Variants in ZMIZ1 observed in about 807,000 individuals in gnomAD.
ZMIZ1 encodes the protein zinc finger MIZ-type containing 1, also known as zinc finger MIZ domain-containing protein 1.
Under a neutral mutation model 113.9 loss-of-function variants are expected in ZMIZ1, and 17 were observed. The ratio of observed to expected loss-of-function variants is 0.15; its 90% CI spans 0.10 to 0.22. The LOEUF (loss-of-function observed/expected upper bound fraction) is 0.22. Ranked by LOEUF, ZMIZ1 falls within the 10% of genes least tolerant of loss-of-function variation. ZMIZ1 has a pLI of 1.00. For synonymous variants in ZMIZ1, 607 were observed against 603.1 expected (o/e 1.01, Z -0.09); for missense variants, 1,059 against 1,477.8 (o/e 0.72, Z 4.65).
At chr10:79,285,861 T>C (rs551145062) in intron 8 of ZMIZ1, among the ~76,000 whole-genome samples, 2 of 152,302 alleles carry the variant, frequency 1.3e-5, no homozygotes, top group African/African-American at 4.8e-5. Flanking sequence ...TGGAAGAGCC[T>C]GGAAAGGATG....
chr10:79,151,937 G>A (rs1006780524), intron 3 of ZMIZ1, among the ~76,000 whole-genome samples: 5 of 152,192 alleles, frequency 3.3e-5, no homozygotes, highest in African/African-American at 1.2e-4. Flanking sequence ...GGCTCCTCCC[G>A]CCTGTCTGCC....
At chr10:79,187,873 C>T (rs922267030) in intron 4 of ZMIZ1, among the ~76,000 whole-genome samples, 1 of 152,186 alleles carries the variant, frequency 6.6e-6, no homozygotes, top group Non-Finnish European at 1.5e-5. Context: ...TCCCTGTTCC[C>T]CAGCCCCAGA....
At chr10:79,111,876 G>A (rs1843756653) in intron 1 of ZMIZ1, among the ~76,000 whole-genome samples, 1 of 152,218 alleles carries the variant, frequency 6.6e-6, no homozygotes. Context: ...GGGGTGGTTT[G>A]TTTGAGTGTT....
At chr10:79,185,626 C>G (rs1451443896) in intron 4 of ZMIZ1, among the ~76,000 whole-genome samples, 2 of 152,114 alleles carry the variant, frequency 1.3e-5, no homozygotes, top group Non-Finnish European at 2.9e-5. Flanking sequence ...GCCTTTGTAT[C>G]TTCTCCTCCC....
At chr10:79,262,884 A>G (rs535211520) in intron 7 of ZMIZ1, among the ~76,000 whole-genome samples, 1 of 152,346 alleles carries the variant, frequency 6.6e-6, no homozygotes, top group Admixed American at 6.5e-5. Context: ...AATAACAGCC[A>G]GGCATATGTG....
intron 1 of ZMIZ1, among the ~76,000 whole-genome samples, chr10:79,100,333 A>C (rs1255179528): frequency 6.6e-6 from 1 of 151,248 alleles, no homozygotes; most frequent in East Asian, 2.0e-4. Context: ...AGGGCTGGGC[A>C]TGGTGGCTTA....
At chr10:79,212,755 C>CAAA (rs531542235) in intron 6 of ZMIZ1, among the ~76,000 whole-genome samples, 1 of 113,920 alleles carries the variant, frequency 8.8e-6, no homozygotes, top group Non-Finnish European at 1.9e-5. Flanking sequence ...GACTCTGTCT[C>CAAA]AAAAAAAAAA....
At chr10:79,244,236 G>C (rs1325764342) in intron 7 of ZMIZ1, among the ~76,000 whole-genome samples, 1 of 152,222 alleles carries the variant, frequency 6.6e-6, no homozygotes, top group Non-Finnish European at 1.5e-5. Flanking sequence ...CAAAGGTGGT[G>C]GGTGCCGAAT....
intron 1 of ZMIZ1, among the ~76,000 whole-genome samples, chr10:79,105,557 C>A (rs980249857): frequency 2.0e-5 from 3 of 152,186 alleles, no homozygotes; most frequent in Admixed American, 6.5e-5. Context: ...CCCCTTTAGC[C>A]CTCTGACTGT....
At chr10:79,230,969 G>A (rs1359512) in intron 7 of ZMIZ1, among the ~76,000 whole-genome samples, 7,698 of 152,324 alleles carry the variant, frequency 0.051, 245 homozygotes, top group Non-Finnish European at 0.074. Context: ...CCCCTCCTCC[G>A]AGGGCACTCA....
At chr10:79,288,965 G>A (rs1205672335) in intron 8 of ZMIZ1, among the ~76,000 whole-genome samples, 1 of 152,200 alleles carries the variant, frequency 6.6e-6, no homozygotes, top group Admixed American at 6.5e-5. Flanking sequence ...TAGAGAGGAG[G>A]CAGTGTTTAG....
chr10:79,156,520 C>G (rs755317895), intron 3 of ZMIZ1, among the ~76,000 whole-genome samples: 1 of 152,196 alleles, frequency 6.6e-6, no homozygotes, highest in South Asian at 2.1e-4. Flanking sequence ...TGGCCACTTT[C>G]GAGCCTTCCC....
At chr10:79,264,103 A>G (rs2062239218) in intron 7 of ZMIZ1, among the ~76,000 whole-genome samples, 1 of 152,202 alleles carries the variant, frequency 6.6e-6, no homozygotes, top group African/African-American at 2.4e-5. Context: ...CTCCTGCTGG[A>G]ATGAGAGCTG....
chr10:79,076,217 G>A (rs1425152442), intron 1 of ZMIZ1, among the ~76,000 whole-genome samples: 1 of 152,170 alleles, frequency 6.6e-6, no homozygotes, highest in South Asian at 2.1e-4. Context: ...GACCGATCTG[G>A]GCCTGGAACC....
intron 3 of ZMIZ1, among the ~76,000 whole-genome samples, chr10:79,159,316 C>T (rs888822706): frequency 2.0e-5 from 3 of 152,238 alleles, no homozygotes; most frequent in Non-Finnish European, 2.9e-5. Context: ...CTGTGGGCCT[C>T]GGCTAAGGCA....
intron 8 of ZMIZ1, among the ~76,000 whole-genome samples, chr10:79,289,558 G>T (rs1385341795): frequency 6.6e-6 from 1 of 152,176 alleles, no homozygotes; most frequent in Non-Finnish European, 1.5e-5. Flanking sequence ...TGCAGTGATC[G>T]GGGGAAAGGT....
intron 2 of ZMIZ1, among the ~76,000 whole-genome samples, chr10:79,132,879 C>G (rs1463665032): frequency 6.6e-6 from 1 of 152,180 alleles, no homozygotes; most frequent in African/African-American, 2.4e-5. Context: ...TCCTCCTTCC[C>G]TCCCATGCAG....
chr10:79,122,578 T>C (rs372007537), intron 2 of ZMIZ1, among the ~76,000 whole-genome samples: 12 of 152,294 alleles, frequency 7.9e-5, no homozygotes, highest in African/African-American at 2.4e-4. Context: ...CATGCAGATT[T>C]CTTTGACCCC....
At chr10:79,225,140 C>A (rs1849151909) in intron 7 of ZMIZ1, among the ~76,000 whole-genome samples, 1 of 152,178 alleles carries the variant, frequency 6.6e-6, no homozygotes, top group Non-Finnish European at 1.5e-5. Flanking sequence ...ATGCAGTAAG[C>A]AGAGGCTGTG....
Sources: allele counts gnomAD v4.1 joint callset (sites outside exome capture counted in the v4.1 genomes callset), GRCh38; gene constraint gnomAD v4.1.1; transcripts MANE v1.5; gene names NCBI Gene and HGNC (gene_info 2026-07-23, HGNC 2026-07-21).